TTC21B: variants seen among roughly 807,000 people sequenced by gnomAD.
TTC21B encodes tetratricopeptide repeat domain 21B, also known as tetratricopeptide repeat protein 21B.
Under a neutral mutation model 175.1 loss-of-function variants are expected in TTC21B, and 127 were observed. That is an observed-to-expected ratio of 0.73 (90% CI 0.63 to 0.84). The LOEUF is 0.84. TTC21B is among the 40% of genes least tolerant of loss of function. The pLI, the probability that TTC21B is intolerant of heterozygous loss-of-function variation, is 0.00. For missense variants in TTC21B, 1,561 were observed against 1,558.3 expected (o/e 1.00, Z -0.03); for synonymous variants, 524 against 524.5 (o/e 1.00, Z 0.01).
chr2:165,921,401 A>G (rs889090825), intron 12 of TTC21B, among the ~76,000 whole-genome samples: 1 of 152,150 alleles, frequency 6.6e-6, no homozygotes, highest in African/African-American at 2.4e-5. Context: ...AGGGCAATGG[A>G]AGCTTTACAT....
At chr2:165,890,706 ATCTG>A (rs1685158668) in intron 23 of TTC21B, 66 bp from the exon 24 acceptor site, 3 of 1,564,962 alleles carry the variant, frequency 1.9e-6, no homozygotes, top group Non-Finnish European at 2.6e-6. Flanking sequence ...TTAGTTTATA[ATCTG>A]TCTGGTAAAT....
Position 165,915,288 on chromosome 2 carries a change from T to C in TTC21B, c.2051A>G (p.Gln684Arg), listed in dbSNP as rs1265299353. The change falls in exon 15 of 29, where the codon CAG (glutamine) becomes CGG (arginine). Residue 684 changes from glutamine to arginine, a missense_variant. Gln to Arg is a conservative substitution (Grantham distance 43, BLOSUM62 1). Transcript: ENST00000243344. ...LSILQNVTAEQPYFIEAREKM... is the reference protein window; with the variant it reads ...LSILQNVTAERPYFIEAREKM... Reference sequence around the variant, plus strand: ...TTCTCTGGCCTCTATAAAATAAGGCTGTTCGGCTGTAACATTCTGAAGGAT... The same window carrying C: ...TTCTCTGGCCTCTATAAAATAAGGCCGTTCGGCTGTAACATTCTGAAGGAT... 6.2e-7 allele frequency: 1 copy of C among 1,614,024 alleles called. No individual in the cohort carries two copies. Among genetic ancestry groups the C allele is most frequent in the Non-Finnish European group, 8.5e-7 (1 of 1,180,000 alleles).
chr2:165,930,042 G>T, intron 9 of TTC21B, 130 bp downstream of exon 9: 2 of 800,112 alleles, frequency 2.5e-6, no homozygotes, highest in Middle Eastern at 3.3e-4. Flanking sequence ...TGACTTTTTC[G>T]AGTGTGGGCA....
At chr2:165,919,835 A>T (rs1266630663) in intron 12 of TTC21B, among the ~76,000 whole-genome samples, 1 of 152,222 alleles carries the variant, frequency 6.6e-6, no homozygotes, top group Admixed American at 6.5e-5. Flanking sequence ...TTATGTTAAC[A>T]AAGAGGATAT....
At chr2:165,881,471 T>C (rs1212508780) in intron 26 of TTC21B, among the ~76,000 whole-genome samples, 1 of 152,142 alleles carries the variant, frequency 6.6e-6, no homozygotes, top group Admixed American at 6.6e-5. Flanking sequence ...AGGTTTCCCT[T>C]CTGGTATGTC....
At position 165,880,779 on chromosome 2, in the gene TTC21B, T is replaced by C. The variant is rs766583608; in HGVS notation, c.3705A>G (p.Glu1235=). The change falls in exon 27 of 29, where the codon GAA becomes GAG. Residue 1235 remains glutamate, a synonymous_variant. Coordinates refer to ENST00000243344, the MANE Select transcript of TTC21B (RefSeq NM_024753.5). ...RHNRSCCKAY[E]YMGYIMEKEQ... is the part of the protein sequence containing the mutation. ...CTTTTTCCATAATGTATCCCATATATTCATAAGCTTTGCAGCAAGACTGAA... is the reference window on the plus strand; with the variant it reads ...CTTTTTCCATAATGTATCCCATATACTCATAAGCTTTGCAGCAAGACTGAA... 4 of 1,612,732 alleles carry C rather than the reference T, an allele frequency of 2.5e-6. No individual in the cohort carries two copies. The highest frequency in any genetic ancestry group is 2.7e-5 in the African/African-American group (2 of 74,912).
chr2:165,931,970 T>A, intron 7 of TTC21B, 114 bp from the exon 8 acceptor site: 2 of 720,462 alleles, frequency 2.8e-6, no homozygotes, highest in Non-Finnish European at 4.9e-6. Context: ...AGACCTTTGC[T>A]TTTATAAATT....
intron 11 of TTC21B, among the ~76,000 whole-genome samples, chr2:165,924,943 A>G (rs549838891): frequency 5.7e-4 from 79 of 138,100 alleles, no homozygotes; most frequent in Non-Finnish European, 1.2e-3. Context: ...TGGATAACAT[A>G]TCAAGTGGGT....
intron 22 of TTC21B, among the ~76,000 whole-genome samples, chr2:165,891,265 A>G (rs1203998896): frequency 6.6e-6 from 1 of 152,072 alleles, no homozygotes; most frequent in African/African-American, 2.4e-5. Context: ...GGGGGACCAA[A>G]ACCTTAGAGA....
chr2:165,905,258 G>A (rs1445698078), intron 19 of TTC21B, among the ~76,000 whole-genome samples: 14 of 151,898 alleles, frequency 9.2e-5, no homozygotes, highest in Admixed American at 9.2e-4. Flanking sequence ...AGTGGAATAA[G>A]AATAATTTAA....
chr2:165,898,716 G>A lies in TTC21B; in HGVS notation c.2920C>T (p.His974Tyr), dbSNP rs1254330391. Residue 974 changes from histidine to tyrosine, a missense_variant, in exon 22 of 29, where the codon CAT (histidine) becomes TAT (tyrosine). Transcript: ENST00000243344. ...RKQDYEQAVF[H>Y]LQQLLERKPD... ...TTACGTTCTAAAAGCTGCTGTAAAT[G>A]AAACACTGCTTGTTCATAGTCTTGT... The A allele has an allele frequency of 3.1e-6, 5 of 1,613,442 alleles. No individual in the cohort carries two copies. The South Asian group carries it at 3.3e-5, about 11-fold the overall frequency.
intron 4 of TTC21B, among the ~76,000 whole-genome samples, chr2:165,944,240 A>C (rs941087179): frequency 4.6e-5 from 7 of 152,112 alleles, no homozygotes; most frequent in African/African-American, 1.7e-4. Flanking sequence ...TCTCCATCTT[A>C]CTGTTCTGCC....
chr2:165,953,462 G>T (rs140485820), intron 1 of TTC21B, among the ~76,000 whole-genome samples: 1 of 152,196 alleles, frequency 6.6e-6, no homozygotes. Flanking sequence ...CAGAAACACC[G>T]AGCGGGCGGG....
rs1175626873 is a variant in TTC21B, at chr2:165,953,706, G to C, written c.-1C>G. 1 of 1,481,846 alleles carries C rather than the reference G, an allele frequency of 6.7e-7. No individual in the cohort carries two copies. The highest frequency in any genetic ancestry group is 9.0e-7 in the Non-Finnish European group (1 of 1,116,108). The allele number at this position is 1,481,846 out of a possible 1,614,324, so 91.8% of individuals were successfully genotyped here. A position where few individuals can be genotyped will look rare whatever the true frequency, so the allele number is the denominator to read the frequency against. On this transcript the variant is annotated 5_prime_UTR_variant, in exon 1 of 29. Coordinates refer to ENST00000243344, the MANE Select transcript of TTC21B (RefSeq NM_024753.5). Reference sequence around the variant, plus strand: ...TCACCTTCAATTCCTGCGAGTCCATGGCTGCCCCGAGGCCGGGCCGCGGGG... The same window carrying C: ...TCACCTTCAATTCCTGCGAGTCCATCGCTGCCCCGAGGCCGGGCCGCGGGG...
chr2:165,879,860 TGA>T (rs1390438315), intron 27 of TTC21B: 9 of 152,224 alleles, frequency 5.9e-5, no homozygotes, highest in Admixed American at 5.2e-4. Flanking sequence ...ACAAGGAAGA[TGA>T]GAGACTCGGA....
chr2:165,911,431 C>A lies in TTC21B; in HGVS notation c.2357G>T (p.Gly786Val), dbSNP rs1313553538. 1.9e-6 allele frequency: 3 copies of A among 1,613,722 alleles called. No individual in the cohort carries two copies. Among genetic ancestry groups the A allele is most frequent in the Non-Finnish European group, 2.5e-6 (3 of 1,179,862 alleles). ...GTCATAGCAAAGATAATTCTTTTGT[C>A]CAGTTTTCAGAGCAGCTTCATAGTA... ...ITYYEAALKTGQKNYLCYDLA... is the reference protein window; with the variant it reads ...ITYYEAALKTVQKNYLCYDLA... The change falls in exon 18 of 29, where the codon GGA becomes GTA. Residue 786 changes from glycine to valine, a missense_variant. Transcript: ENST00000243344.
chr2:165,915,802 G>T (rs756200150), intron 14 of TTC21B, among the ~76,000 whole-genome samples: 1 of 152,128 alleles, frequency 6.6e-6, no homozygotes, highest in Non-Finnish European at 1.5e-5. Flanking sequence ...CCAGAACACT[G>T]TTGTTACACT....
At position 165,917,555 on chromosome 2, in the gene TTC21B, A is replaced by G. The variant is rs958193074; in HGVS notation, c.1675-74T>C. On this transcript the variant is annotated intron_variant, in intron 13 of 28. Coordinates refer to ENST00000243344, the MANE Select transcript of TTC21B (RefSeq NM_024753.5). ...CATAATTTACAATCCATCAAACATT[A>G]AAATAATGAGATCACTGAGAACAGT... 37 of 1,198,578 alleles carry G rather than the reference A, an allele frequency of 3.1e-5. No individual in the cohort carries two copies. The African/African-American group carries it at 5.4e-4, about 17-fold the overall frequency. The allele number at this position is 1,198,578 out of a possible 1,614,324, so 74.2% of individuals were successfully genotyped here.
chr2:165,931,484 G>A (rs1686904474), intron 8 of TTC21B, among the ~76,000 whole-genome samples: 1 of 152,038 alleles, frequency 6.6e-6, no homozygotes, highest in Non-Finnish European at 1.5e-5. Context: ...CTTATGCTCT[G>A]ATGAAAATAA....
Sources: gnomAD v4.1 joint callset for allele counts (sites outside exome capture counted in the v4.1 genomes callset) on GRCh38, gnomAD v4.1.1 for gene constraint, MANE v1.5 for transcripts, NCBI Gene and HGNC (gene_info 2026-07-23, HGNC 2026-07-21) for gene names.